Variants in CRY1 observed in about 807,000 individuals in gnomAD.
CRY1 encodes cryptochrome circadian regulator 1, also known as cryptochrome-1.
A neutral mutation model predicts 76.0 loss-of-function variants in CRY1; 45 were observed. That is an observed-to-expected ratio of 0.59 (90% confidence interval 0.47 to 0.76). The LOEUF is 0.76. CRY1 is among the 30% of genes least tolerant of loss of function. CRY1 has a pLI of 0.00. For synonymous variants in CRY1, 248 were observed against 244.0 expected, an observed-to-expected ratio of 1.02 and a Z score of -0.15; for missense variants, 587 against 716.4, an observed-to-expected ratio of 0.82 and a Z score of 2.06.
intron 1 of CRY1, among the ~76,000 whole-genome samples, chr12:107,082,131 T>C (rs1191305824): frequency 6.6e-6 from 1 of 151,958 alleles, no homozygotes; most frequent in Admixed American, 6.6e-5. Flanking sequence ...AATGGATCAA[T>C]GTAACAAGAA....
At position 107,092,954 on chromosome 12, in the gene CRY1, A is replaced by G. The variant is rs755426599; in HGVS notation, c.8T>C (p.Val3Ala). Residue 3 changes from valine (V) to alanine (A), a missense_variant, in exon 1 of 13, where the codon GTG becomes GCG. Val to Ala is a moderately conservative substitution (Grantham distance 64). Coordinates refer to ENST00000008527, the MANE Select transcript of CRY1 (RefSeq NM_004075.5). MG[V>A]NAVHWFRKGL... Reference sequence around the variant, plus strand: ...CTTTCGGAACCAGTGCACGGCGTTCACCCCCATGCCGGGGGGCGCGGCGGG... The same window carrying G: ...CTTTCGGAACCAGTGCACGGCGTTCGCCCCCATGCCGGGGGGCGCGGCGGG... The G allele has an allele frequency of 1.3e-6, 2 of 1,553,150 alleles. No individual in the cohort carries two copies. Among genetic ancestry groups the G allele is most frequent in the Non-Finnish European group, 1.7e-6 (2 of 1,152,850 alleles).
chr12:107,028,946 A>G (rs1952646234), intron 1 of CRY1, among the ~76,000 whole-genome samples: 1 of 152,248 alleles, frequency 6.6e-6, no homozygotes, highest in Non-Finnish European at 1.5e-5. Flanking sequence ...TGTGTAAAAA[A>G]TACCTACTGT....
chr12:107,011,835 T>C (rs529365845), intron 2 of CRY1, among the ~76,000 whole-genome samples: 1 of 152,246 alleles, frequency 6.6e-6, no homozygotes, highest in East Asian at 1.9e-4. Flanking sequence ...ATTTTCAGTG[T>C]TGATGAAGCA....
At chr12:107,059,662 T>A (rs750646466) in intron 1 of CRY1, among the ~76,000 whole-genome samples, 1 of 152,216 alleles carries the variant, frequency 6.6e-6, no homozygotes, top group Non-Finnish European at 1.5e-5. Context: ...AAATCCATGA[T>A]ATCCAACCAG....
At chr12:107,036,223 G>A (rs1369605849) in intron 1 of CRY1, among the ~76,000 whole-genome samples, 2 of 152,194 alleles carry the variant, frequency 1.3e-5, no homozygotes, top group Non-Finnish European at 2.9e-5. Context: ...GCTGAGAATT[G>A]AAATGTTGCA....
intron 10 of CRY1, among the ~76,000 whole-genome samples, chr12:106,996,643 G>A (rs1952236510): frequency 6.6e-6 from 1 of 152,126 alleles, no homozygotes. Flanking sequence ...GTTGTTTCTT[G>A]ACTTTTTAAT....
At position 107,048,309 on chromosome 12, in the gene CRY1, G is replaced by T. The variant is rs1021745582; in HGVS notation, c.159-26117C>A. Among the ~76,000 whole-genome samples the T allele has an allele frequency of 2.0e-5, 3 of 152,076 alleles. No individual in the cohort carries two copies. The East Asian group carries it at 5.8e-4, about 29-fold the overall frequency. On this transcript the variant is annotated intron_variant, in intron 1 of 12. Coordinates refer to ENST00000008527, the MANE Select transcript of CRY1 (RefSeq NM_004075.5). ...GTTGGCCAGGCTGGTCTCGAACTCT[G>T]GACCTCATGATCCACCCACCTCGGC...
chr12:106,994,488 T>C (rs1952211952), intron 10 of CRY1, among the ~76,000 whole-genome samples: 2 of 152,250 alleles, frequency 1.3e-5, no homozygotes, highest in South Asian at 4.1e-4. Flanking sequence ...TCTACTTAGC[T>C]TTTCATGTCT....
intron 2 of CRY1, among the ~76,000 whole-genome samples, chr12:107,007,701 A>T (rs1952390873): frequency 6.6e-6 from 1 of 151,258 alleles, no homozygotes; most frequent in Non-Finnish European, 1.5e-5. Flanking sequence ...AGCTAACTTA[A>T]TTTTTTTTCG....
At chr12:107,033,778 A>T (rs1359179182) in intron 1 of CRY1, among the ~76,000 whole-genome samples, 1 of 151,236 alleles carries the variant, frequency 6.6e-6, no homozygotes, top group Non-Finnish European at 1.5e-5. Context: ...CAGCATATGT[A>T]ATAGTGAAAT....
In CRY1 at chr12:107,091,399, A is replaced by G. The variant is rs567355375; in HGVS notation, c.158+1405T>C. On this transcript the variant is annotated intron_variant, in intron 1 of 12. Coordinates refer to ENST00000008527, the MANE Select transcript of CRY1 (RefSeq NM_004075.5). ...ATACCCTGTATTTTGCCTTCAGAAT[A>G]TAACCAGCATCTGTTTATTTCTCAC... 2.6e-5 allele frequency among the ~76,000 whole-genome samples: 4 copies of G among 152,244 alleles called. No homozygotes were observed. The East Asian group carries it at 7.7e-4, about 29-fold the overall frequency.
chr12:107,000,022 T>C lies in CRY1; in HGVS notation c.745A>G (p.Thr249Ala), dbSNP rs1169047930. ...MNANSLLASP[T>A]GLSPYLRFGC... ...AATCGGAGATAAGGACTAAGTCCAG[T>C]AGGGCTTGCAAGCAGAGAATTCGCA... The change falls in exon 6 of 13, where the codon ACT becomes GCT. Residue 249 changes from threonine to alanine, a missense_variant. Physicochemically the swap from Thr to Ala is moderately conservative, Grantham distance 58 (BLOSUM62 0). Transcript: ENST00000008527. The C allele has an allele frequency of 1.9e-6, 3 of 1,612,334 alleles. No homozygotes were observed. Among genetic ancestry groups the C allele is most frequent in the East Asian group, 2.2e-5 (1 of 44,868 alleles).
At chr12:107,007,727 A>C (rs1952391324) in intron 2 of CRY1, among the ~76,000 whole-genome samples, 1 of 151,974 alleles carries the variant, frequency 6.6e-6, no homozygotes, top group African/African-American at 2.4e-5. Context: ...ACAGGGTCTC[A>C]CTGTATTGCC....
At chr12:107,032,960 A>G (rs529765200) in intron 1 of CRY1, among the ~76,000 whole-genome samples, 15 of 152,368 alleles carry the variant, frequency 9.8e-5, no homozygotes, top group Admixed American at 9.8e-4. Context: ...GAGAAACAGC[A>G]AAGCCAAAAT....
chr12:107,038,737 A>G (rs1168361354), intron 1 of CRY1, among the ~76,000 whole-genome samples: 1 of 152,228 alleles, frequency 6.6e-6, no homozygotes, highest in Non-Finnish European at 1.5e-5. Flanking sequence ...TACACAGATC[A>G]ATTCCCTTTG....
intron 2 of CRY1, among the ~76,000 whole-genome samples, chr12:107,011,874 G>C (rs1952447679): frequency 6.6e-6 from 1 of 152,112 alleles, no homozygotes; most frequent in Non-Finnish European, 1.5e-5. Flanking sequence ...ATGTCATCTA[G>C]GACTTTCATA....
intron 1 of CRY1, among the ~76,000 whole-genome samples, chr12:107,052,313 C>T (rs1952933038): frequency 6.6e-6 from 1 of 152,050 alleles, no homozygotes; most frequent in African/African-American, 2.4e-5. Flanking sequence ...ATGACAGTAC[C>T]TCTTTACCAC....
At chr12:107,086,138 G>A (rs1953398138) in intron 1 of CRY1, among the ~76,000 whole-genome samples, 1 of 152,120 alleles carries the variant, frequency 6.6e-6, no homozygotes, top group Non-Finnish European at 1.5e-5. Flanking sequence ...AATGACTTAA[G>A]CTACCTGGCA....
chr12:107,069,613 A>AAAGTATATATATAAAGTATATATATAT (rs1565842756), intron 1 of CRY1, among the ~76,000 whole-genome samples: 13 of 75,300 alleles, frequency 1.7e-4, no homozygotes, highest in African/African-American at 5.8e-4. Context: ...TATATATATA[A>AAAGTATATATATAAAGTATATATATAT]AAAGTATATA....
Sources: allele counts gnomAD v4.1 joint callset (sites outside exome capture counted in the v4.1 genomes callset), GRCh38; gene constraint gnomAD v4.1.1; transcripts MANE v1.5; gene names NCBI Gene and HGNC (gene_info 2026-07-23, HGNC 2026-07-21).